Variants in SLAIN2 observed in about 807,000 individuals in gnomAD.
SLAIN2 encodes the protein SLAIN family member 2.
A neutral mutation model predicts 56.6 loss-of-function variants in SLAIN2; 31 were observed. The ratio of observed to expected loss-of-function variants is 0.55; its 90% CI spans 0.41 to 0.74. SLAIN2 has a LOEUF of 0.74. SLAIN2 is among the 30% of genes least tolerant of loss of function. The pLI is 0.00. For missense variants in SLAIN2, 777 were observed against 754.2 expected, an observed-to-expected ratio of 1.03 and a Z score of -0.35; for synonymous variants, 317 against 284.9, an observed-to-expected ratio of 1.11 and a Z score of -1.13.
chr4:48,357,710 C>T (rs1185967773), intron 1 of SLAIN2, among the ~76,000 whole-genome samples: 1 of 152,172 alleles, frequency 6.6e-6, no homozygotes, highest in African/African-American at 2.4e-5. Flanking sequence ...CATGCACCAC[C>T]ACGCCCGGCT....
rs1038608244 is a variant in SLAIN2 at position 48,372,786 on chromosome 4, A to G, written c.538+2789A>G. Among the ~76,000 whole-genome samples, 9 of 152,322 alleles carry G rather than the reference A, an allele frequency of 5.9e-5. No homozygotes were observed. In the East Asian group the frequency reaches 1.7e-3, roughly 29 times the overall value. On this transcript the variant is annotated intron_variant, in intron 2 of 7. Coordinates refer to ENST00000264313, the MANE Select transcript of SLAIN2 (RefSeq NM_020846.2). ...AACAATAGCTACAGCTATAAATACA[A>G]TGTATATTTGAAATATATATTTAAA...
intron 1 of SLAIN2, among the ~76,000 whole-genome samples, chr4:48,345,828 A>AT (rs1278260582): frequency 1.3e-5 from 2 of 152,166 alleles, no homozygotes; most frequent in African/African-American, 4.8e-5. Context: ...CAAATTGTTG[A>AT]TAAAAATATT....
intron 2 of SLAIN2, among the ~76,000 whole-genome samples, chr4:48,370,694 C>T (rs541164595): frequency 6.6e-6 from 1 of 152,302 alleles, no homozygotes; most frequent in Non-Finnish European, 1.5e-5. Flanking sequence ...CCAGTGTGGG[C>T]AGAAATGTAG....
chr4:48,399,487 C>T (rs568657322), intron 6 of SLAIN2, among the ~76,000 whole-genome samples: 16 of 152,202 alleles, frequency 1.1e-4, no homozygotes, highest in African/African-American at 3.6e-4. Context: ...TGTTTGAATA[C>T]GCTTTATTTT....
rs1714717600 is a variant in SLAIN2, at chr4:48,341,949, C to A, written c.210C>A (p.Gly70=). The part of the protein sequence containing the change: ...GAASPRGFPL[G]LSAKSGGGPG... ...CGTCTCCTCGGGGCTTCCCCTTGGG[C>A]CTCAGCGCCAAGTCGGGCGGCGGGC... The change falls in exon 1 of 8, where the codon GGC becomes GGA. Residue 70 remains glycine, a synonymous_variant. Coordinates refer to ENST00000264313, the MANE Select transcript of SLAIN2 (RefSeq NM_020846.2). The A allele has an allele frequency of 1.4e-6, 2 of 1,467,456 alleles. No homozygotes were observed. Among genetic ancestry groups the A allele is most frequent in the South Asian group, 2.7e-5 (2 of 73,560 alleles). The allele number at this position is 1,467,456 out of a possible 1,614,324, so 90.9% of individuals were successfully genotyped here.
chr4:48,381,337 C>CT (rs1410856626), intron 4 of SLAIN2, among the ~76,000 whole-genome samples: 1 of 151,830 alleles, frequency 6.6e-6, no homozygotes, highest in African/African-American at 2.4e-5. Context: ...ATATGTGATA[C>CT]TTCTTGAAAA....
chr4:48,370,608 A>G (rs1041110890), intron 2 of SLAIN2, among the ~76,000 whole-genome samples: 1 of 152,228 alleles, frequency 6.6e-6, no homozygotes, highest in African/African-American at 2.4e-5. Context: ...AATTGCTTTT[A>G]TGCTCTTTTG....
chr4:48,406,959 A>G (rs180997161), intron 6 of SLAIN2, among the ~76,000 whole-genome samples: 36 of 152,242 alleles, frequency 2.4e-4, no homozygotes, highest in Non-Finnish European at 3.8e-4. Flanking sequence ...ATAATTTACT[A>G]GAATATGTCT....
rs116665153 is a variant in SLAIN2, at chr4:48,376,562, A to C, written c.539-1334A>C. 2.4e-3 allele frequency among the ~76,000 whole-genome samples: 358 copies of C among 149,930 alleles called. 4 individuals are homozygous for C. Among genetic ancestry groups the C allele is most frequent in the African/African-American group, 8.2e-3 (336 of 40,910 alleles). On this transcript the variant is annotated intron_variant, in intron 2 of 7. Transcript: ENST00000264313. ...GTCCTACTGTTGTACTATTTATTTA[A>C]TTTTACATGCATAGCACATTTTTTT...
chr4:48,359,904 C>G (rs922097841), intron 1 of SLAIN2, among the ~76,000 whole-genome samples: 2 of 152,038 alleles, frequency 1.3e-5, no homozygotes, highest in Non-Finnish European at 2.9e-5. Context: ...GCCTGTAATC[C>G]CAGCACTTTG....
intron 7 of SLAIN2, 132 bp from the exon 8 acceptor site, chr4:48,421,879 G>T: frequency 1.4e-6 from 1 of 699,372 alleles, no homozygotes; most frequent in Non-Finnish European, 2.4e-6. Flanking sequence ...CCTGTTTAGA[G>T]CTTAGGACTT....
At chr4:48,372,403 C>T (rs1715693602) in intron 2 of SLAIN2, among the ~76,000 whole-genome samples, 1 of 152,176 alleles carries the variant, frequency 6.6e-6, no homozygotes, top group Admixed American at 6.5e-5. Context: ...GCTCTTGTAG[C>T]ATGCAAGCAG....
At chr4:48,382,501 T>C (rs1368264147) in intron 4 of SLAIN2, 67 bp from the exon 5 acceptor site, 1 of 1,373,092 alleles carries the variant, frequency 7.3e-7, no homozygotes, top group African/African-American at 1.5e-5. Flanking sequence ...AATCTTTTAC[T>C]TTAAATTTTA....
intron 1 of SLAIN2, among the ~76,000 whole-genome samples, chr4:48,342,554 G>T (rs1184720187): frequency 6.6e-6 from 1 of 152,036 alleles, no homozygotes; most frequent in Non-Finnish European, 1.5e-5. Context: ...ACCAGGTGTG[G>T]GGGTCAGGGG....
In SLAIN2 at chr4:48,341,621, C is replaced by G; in HGVS notation, c.-119C>G. 1 of 1,408,576 alleles carries G rather than the reference C, an allele frequency of 7.1e-7. No homozygotes were observed. The highest frequency in any genetic ancestry group is 9.3e-7 in the Non-Finnish European group (1 of 1,075,448). 87.3% of individuals were successfully genotyped at this position (1,408,576 alleles called of 1,614,324 possible). On this transcript the variant is annotated 5_prime_UTR_variant, in exon 1 of 8. Transcript: ENST00000264313. ...GGGACCCTGGCGGTGGGGCCTGGTC[C>G]TGCTATATGCCGGCGCCTCGGCTAG...
chr4:48,348,009 T>A (rs111990216), intron 1 of SLAIN2, among the ~76,000 whole-genome samples: 5 of 152,364 alleles, frequency 3.3e-5, no homozygotes, highest in African/African-American at 1.2e-4. Flanking sequence ...AAATTGAGAT[T>A]GACACCAAAC....
chr4:48,345,014 G>T (rs1435015317), intron 1 of SLAIN2, among the ~76,000 whole-genome samples: 1 of 152,164 alleles, frequency 6.6e-6, no homozygotes, highest in Non-Finnish European at 1.5e-5. Context: ...GTGCCAGGCA[G>T]CTTATAAATA....
intron 1 of SLAIN2, among the ~76,000 whole-genome samples, chr4:48,358,095 C>G (rs764127944): frequency 7.2e-5 from 11 of 152,136 alleles, no homozygotes; most frequent in Non-Finnish European, 1.6e-4. Flanking sequence ...TTCTGGAGCA[C>G]TTTTGGTTTT....
At chr4:48,356,209 T>G (rs954269013) in intron 1 of SLAIN2, among the ~76,000 whole-genome samples, 15 of 152,192 alleles carry the variant, frequency 9.9e-5, no homozygotes, top group African/African-American at 3.1e-4. Flanking sequence ...AGATCCTGTT[T>G]TAGCCACTAA....
Sources: allele counts gnomAD v4.1 joint callset (sites outside exome capture counted in the v4.1 genomes callset), GRCh38; gene constraint gnomAD v4.1.1; transcripts MANE v1.5; gene names NCBI Gene and HGNC (gene_info 2026-07-23, HGNC 2026-07-21).